Variants in GP6 observed in about 807,000 individuals in gnomAD.
GP6 encodes platelet glycoprotein VI.
A neutral mutation model predicts 37.3 loss-of-function variants in GP6; 45 were observed. The observed-to-expected ratio is 1.21, with a 90% CI of 0.95 to 1.55. The LOEUF (loss-of-function observed/expected upper bound fraction) is 1.55. Ranked by LOEUF, GP6 falls within the 40% of genes most tolerant of loss-of-function variation. The pLI, the probability that GP6 is intolerant of heterozygous loss-of-function variation, is 0.00. For missense variants in GP6, 813 were observed against 760.2 expected, an observed-to-expected ratio of 1.07 and a Z score of -0.82; for synonymous variants, 340 against 316.4, an observed-to-expected ratio of 1.07 and a Z score of -0.79.
At chr19:55,033,862 C>T (rs901881227) in intron 1 of GP6, among the ~76,000 whole-genome samples, 1 of 152,062 alleles carries the variant, frequency 6.6e-6, no homozygotes, top group African/African-American at 2.4e-5. Flanking sequence ...CCATGGGTTT[C>T]CCGGTATTTA....
chr19:55,018,331 G>A (rs2073950203), intron 6 of GP6, among the ~76,000 whole-genome samples: 1 of 152,240 alleles, frequency 6.6e-6, no homozygotes, highest in Non-Finnish European at 1.5e-5. Flanking sequence ...TGGACACAGT[G>A]AGGAGCGAGA....
rs1671150 is a variant in GP6, at chr19:55,014,129, A to G, written c.1816T>C (p.Phe606Leu). The G allele has an allele frequency of 0.8, 550,740 of 690,984 alleles. 221,911 individuals are homozygous for G. The highest frequency in any genetic ancestry group is 0.83 in the Non-Finnish European group (314,058 of 378,040). The allele number at this position is 690,984 out of a possible 1,614,324, so 42.8% of individuals were successfully genotyped here. A position where few individuals can be genotyped will look rare whatever the true frequency, so the allele number is the denominator to read the frequency against. ...TTCATCCCTGTATTTTTTGAGACAAAGTCAGGCTTCGTCACCCGAGCTAGA... is the reference window on the plus strand; with the variant it reads ...TTCATCCCTGTATTTTTTGAGACAAGGTCAGGCTTCGTCACCCGAGCTAGA... Residue 606 changes from phenylalanine to leucine, a missense_variant, in exon 8 of 8, where the codon TTT becomes CTT. Physicochemically the swap from Phe to Leu is conservative, Grantham distance 22 (BLOSUM62 0). Coordinates refer to ENST00000310373, the MANE Select transcript of GP6 (RefSeq NM_001083899.2).
rs774514319 is a variant in GP6 at position 55,032,387 on chromosome 19, G to C, written c.77C>G (p.Pro26Arg). The C allele has an allele frequency of 3.7e-6, 6 of 1,612,992 alleles. No homozygotes were observed. In the Admixed American group the frequency reaches 8.3e-5, roughly 22 times the overall value. ...GGGCAGAGCCTGGAGGGAGGGCTTG[G>C]GGAGCGGTCCTGGAAGAGGAGCAGG... Residue 26 changes from proline (P) to arginine (R), a missense_variant, in exon 3 of 8, where the codon CCC becomes CGC. Transcript: ENST00000310373.
rs200313847 is a variant in GP6 at position 55,032,360 on chromosome 19, C to G, written c.104G>C (p.Ser35Thr). The change falls in exon 3 of 8, where the codon AGC (serine) becomes ACC (threonine). Residue 35 changes from serine (S) to threonine (T), a missense_variant. Physicochemically the swap from Ser to Thr is moderately conservative, Grantham distance 58. Coordinates refer to ENST00000310373, the MANE Select transcript of GP6 (RefSeq NM_001083899.2). ...TGGCTTCTCCAGGGGCACCAGGGAG[C>G]TGGGCAGAGCCTGGAGGGAGGGCTT... The G allele has an allele frequency of 1.7e-4, 279 of 1,613,796 alleles. No individual in the cohort carries two copies. Among genetic ancestry groups the G allele is most frequent in the Admixed American group, 6.5e-4 (39 of 60,020 alleles).
chr19:55,031,748 A>ATC (rs966322297), intron 3 of GP6, among the ~76,000 whole-genome samples: 3 of 151,686 alleles, frequency 2.0e-5, no homozygotes, highest in Non-Finnish European at 4.4e-5. Context: ...GCGAGACCCT[A>ATC]TCTCTCTCTC....
intron 5 of GP6, among the ~76,000 whole-genome samples, chr19:55,021,735 T>C (rs2074094932): frequency 6.6e-6 from 1 of 152,070 alleles, no homozygotes. Context: ...TTAGCCAGGA[T>C]GGTCTCGATC....
chr19:55,034,125 T>C (rs1340660389), intron 1 of GP6, among the ~76,000 whole-genome samples: 1 of 42,320 alleles, frequency 2.4e-5, no homozygotes, highest in Non-Finnish European at 5.7e-5. Flanking sequence ...CACGTGTATA[T>C]GTATGTATAT....
intron 1 of GP6, among the ~76,000 whole-genome samples, chr19:55,035,862 CAA>C (rs951962535): frequency 5.7e-4 from 86 of 151,972 alleles, no homozygotes; most frequent in African/African-American, 2.0e-3. Flanking sequence ...ATCACGAGGT[CAA>C]GAGATCAAGA....
In GP6 at chr19:55,032,204, C is replaced by A. The variant is rs759426349; in HGVS notation, c.260G>T (p.Arg87Leu). ...GAGGCTTCCGTTCTGGTAGGAGCAGCGGTAGCGTCCAGCCAGACTTCTCTT... is the reference window on the plus strand; with the variant it reads ...GAGGCTTCCGTTCTGGTAGGAGCAGAGGTAGCGTCCAGCCAGACTTCTCTT... The change falls in exon 3 of 8, where the codon CGC becomes CTC. Residue 87 changes from arginine to leucine, a missense_variant. Coordinates refer to ENST00000310373, the MANE Select transcript of GP6 (RefSeq NM_001083899.2). 6.2e-7 allele frequency: 1 copy of A among 1,613,902 alleles called. No homozygotes were observed. Among genetic ancestry groups the A allele is most frequent in the African/African-American group, 1.3e-5 (1 of 75,026 alleles).
intron 5 of GP6, among the ~76,000 whole-genome samples, chr19:55,022,575 G>A (rs1028528838): frequency 3.9e-5 from 6 of 152,222 alleles, no homozygotes; most frequent in African/African-American, 1.4e-4. Context: ...AACTATCTCT[G>A]TTTGCAGATG....
At chr19:55,022,822 A>C (rs540969863) in intron 5 of GP6, among the ~76,000 whole-genome samples, 1 of 152,368 alleles carries the variant, frequency 6.6e-6, no homozygotes, top group East Asian at 1.9e-4. Flanking sequence ...GGACATCTTC[A>C]AGGAGAACTA....
Position 55,015,013 on chromosome 19 carries a change from G to T in GP6, c.932C>A (p.Ser311Tyr). 6.2e-7 allele frequency: 1 copy of T among 1,612,240 alleles called. No homozygotes were observed. The highest frequency in any genetic ancestry group is 8.5e-7 in the Non-Finnish European group (1 of 1,179,384). ...GTCAGCGGGAGGGGCGGGAGGGGCG[G>T]AAGCGGCCTCTGCACAGCCCTGCCC... Residue 311 changes from serine (S) to tyrosine (Y), a missense_variant, in exon 8 of 8, where the codon TCC becomes TAC. Ser to Tyr is a moderately radical substitution (Grantham distance 144, BLOSUM62 -2). Coordinates refer to ENST00000310373, the MANE Select transcript of GP6 (RefSeq NM_001083899.2).
At chr19:55,033,901 A>G (rs1377200362) in intron 1 of GP6, among the ~76,000 whole-genome samples, 1 of 152,106 alleles carries the variant, frequency 6.6e-6, no homozygotes, top group Non-Finnish European at 1.5e-5. Flanking sequence ...GTATTCCATG[A>G]TTACATGATA....
In GP6 at chr19:55,032,488, G is replaced by A. The variant is rs749915633; in HGVS notation, c.67+18C>T. ...TGGCGGATCCCGCAGGAGGGAAGGG[G>A]TCTGGGGAAGGACTCACCACTCTGC... On this transcript the variant is annotated intron_variant, in intron 2 of 7. Coordinates refer to ENST00000310373, the MANE Select transcript of GP6 (RefSeq NM_001083899.2). 19 of 1,613,752 alleles carry A rather than the reference G, an allele frequency of 1.2e-5. No individual in the cohort carries two copies. Among genetic ancestry groups the A allele is most frequent in the Non-Finnish European group, 1.4e-5 (17 of 1,179,942 alleles).
At position 55,032,136 on chromosome 19, in the gene GP6, T is replaced by C; in HGVS notation, c.325+3A>G. ...TCCCAGGCTCCGATCCCCCTTCCTT[T>C]ACCCGTGGCAACGAGCTCCAGCTGG... On this transcript the variant is annotated splice_donor_region_variant and intron_variant, in intron 3 of 7. Transcript: ENST00000310373. The C allele has an allele frequency of 1.2e-6, 2 of 1,613,504 alleles. No individual in the cohort carries two copies. The highest frequency in any genetic ancestry group is 1.7e-6 in the Non-Finnish European group (2 of 1,179,828).
intron 3 of GP6, among the ~76,000 whole-genome samples, chr19:55,028,915 G>C (rs112777137): frequency 0.13 from 19,650 of 152,050 alleles, 1,826 homozygotes; most frequent in Non-Finnish European, 0.19. Context: ...TGGGAGGATC[G>C]CTTGAGCCCA....
In GP6 at chr19:55,024,000, C is replaced by T. The variant is rs955380278; in HGVS notation, c.664+1218G>A. 4.6e-5 allele frequency among the ~76,000 whole-genome samples: 7 copies of T among 152,100 alleles called. No homozygotes were observed. The South Asian group carries it at 6.2e-4, about 14-fold the overall frequency. On this transcript the variant is annotated intron_variant, in intron 5 of 7. Transcript: ENST00000310373. ...TAGCCCAAGGGAGGCCCTTGTGAGA[C>T]GGAAGAGTTCTGTACAGTGACTGCG... is the stretch of plus-strand genomic sequence containing the variant.
intron 5 of GP6, among the ~76,000 whole-genome samples, chr19:55,024,324 A>G (rs59550948): frequency 1.3e-3 from 35 of 27,156 alleles, no homozygotes; most frequent in Middle Eastern, 0.023. Flanking sequence ...ACGCACACAC[A>G]CATATGCACG....
chr19:55,030,018 CCAAA>C (rs1270178849), intron 3 of GP6, among the ~76,000 whole-genome samples: 17 of 152,008 alleles, frequency 1.1e-4, no homozygotes, highest in Non-Finnish European at 5.9e-5. Context: ...TTAATTATTC[CCAAA>C]CAATTAACAT....
Sources: gnomAD v4.1 joint callset for allele counts (sites outside exome capture counted in the v4.1 genomes callset) on GRCh38, gnomAD v4.1.1 for gene constraint, MANE v1.5 for transcripts, NCBI Gene and HGNC (gene_info 2026-07-23, HGNC 2026-07-21) for gene names.